Variants in VPS13C observed in about 807,000 individuals in gnomAD.
VPS13C encodes the protein vacuolar protein sorting 13 homolog C, also known as intermembrane lipid transfer protein VPS13C.
Under a neutral mutation model 456.8 loss-of-function variants are expected in VPS13C, and 358 were observed. The observed-to-expected ratio is 0.78, with a 90% CI of 0.72 to 0.86. The LOEUF (loss-of-function observed/expected upper bound fraction) is 0.86. Ranked by LOEUF, VPS13C falls within the 40% of genes least tolerant of loss-of-function variation. VPS13C has a pLI of 0.00. For missense variants in VPS13C, 4,818 were observed against 4,385.4 expected (o/e 1.10, Z -2.79); for synonymous variants, 1,578 against 1,486.7 (o/e 1.06, Z -1.41).
chr15:61,969,239 C>T (rs375258983), intron 28 of VPS13C, 60 bp downstream of exon 28: 1 of 1,220,668 alleles, frequency 8.2e-7, no homozygotes, highest in East Asian at 2.5e-5. Flanking sequence ...GAAAGTGTTT[C>T]AGATACTCAA....
chr15:61,863,421 T>A lies in VPS13C; in HGVS notation c.10952+19A>T. ...TGCAACTAAGTACTATTTGGAAAAA[T>A]GTCACTTCAAGTCAGTACCTATTTG... On this transcript the variant is annotated intron_variant, in intron 82 of 84. Transcript: ENST00000644861. 1 of 1,587,078 alleles carries A rather than the reference T, an allele frequency of 6.3e-7. No homozygotes were observed. Among genetic ancestry groups the A allele is most frequent in the Non-Finnish European group, 8.6e-7 (1 of 1,161,612 alleles).
Position 61,909,093 on chromosome 15 carries a change from G to A in VPS13C, c.8877C>T (p.Ala2959=), listed in dbSNP as rs775220462. 67 of 1,613,180 alleles carry A rather than the reference G, an allele frequency of 4.2e-5. 2 individuals are homozygous for A. In the South Asian group the frequency reaches 4.3e-4, roughly 10 times the overall value. ...AAAAAGTTATGACAGTTGAATGTTC[G>A]GCAGTGTTTACATCCACCAAGATAC... is the stretch of plus-strand genomic sequence containing the variant. ...NGGILVDVNT[A]EHSTVITFSD... The change falls in exon 65 of 85, where the codon GCC becomes GCT. Residue 2959 remains alanine (A), a synonymous_variant. Transcript: ENST00000644861.
chr15:61,980,664 C>T (rs961087737), intron 22 of VPS13C, among the ~76,000 whole-genome samples: 1 of 151,856 alleles, frequency 6.6e-6, no homozygotes, highest in African/African-American at 2.4e-5. Flanking sequence ...ATAAACAGTA[C>T]CTATTTTTCT....
chr15:61,962,225 G>A (rs2045232479), intron 34 of VPS13C, 146 bp downstream of exon 34: 1 of 679,318 alleles, frequency 1.5e-6, no homozygotes, highest in Non-Finnish European at 2.3e-6. Context: ...CTGTTAAATA[G>A]GGGTTTTGAT....
At chr15:61,934,722 A>ATG (rs961575154) in intron 48 of VPS13C, among the ~76,000 whole-genome samples, 7 of 152,074 alleles carry the variant, frequency 4.6e-5, no homozygotes, top group African/African-American at 1.7e-4. Context: ...TGCTAGACTA[A>ATG]TGCACCTCTC....
chr15:61,895,549 T>A (rs1005387314), intron 66 of VPS13C, among the ~76,000 whole-genome samples: 5 of 152,114 alleles, frequency 3.3e-5, no homozygotes, highest in African/African-American at 1.2e-4. Context: ...AAAAGGATCA[T>A]TAGAGACTAT....
intron 25 of VPS13C, among the ~76,000 whole-genome samples, chr15:61,973,767 G>C (rs1596405137): frequency 6.6e-6 from 1 of 152,024 alleles, no homozygotes; most frequent in East Asian, 1.9e-4. Flanking sequence ...GCAAAACTAA[G>C]CCCAGCTCTA....
intron 77 of VPS13C, 113 bp from the exon 78 acceptor site, chr15:61,873,522 T>A: frequency 9.1e-7 from 1 of 1,093,956 alleles, no homozygotes. Flanking sequence ...TGAATAAATA[T>A]TTCTGAAAAG....
rs185235780 is a variant in VPS13C, at chr15:61,994,061, T to G, written c.1354-2259A>C. Among the ~76,000 whole-genome samples, 10 of 152,296 alleles carry G rather than the reference T, an allele frequency of 6.6e-5. No individual in the cohort carries two copies. The East Asian group carries it at 1.3e-3, about 21-fold the overall frequency. On this transcript the variant is annotated intron_variant, in intron 16 of 84. Transcript: ENST00000644861. ...CTTTCCCTTTCCCTCAATTACCCCC[T>G]TGGTGCCTTCACTTCCTTCTCTGTC...
At chr15:62,037,360 G>GTA (rs567608591) in intron 3 of VPS13C, among the ~76,000 whole-genome samples, 943 of 67,270 alleles carry the variant, frequency 0.014, 26 homozygotes, top group African/African-American at 0.048. Flanking sequence ...ATATATAAAT[G>GTA]TATATAATAT....
chr15:61,912,212 A>G (rs1402085245), intron 62 of VPS13C, among the ~76,000 whole-genome samples: 1 of 152,220 alleles, frequency 6.6e-6, no homozygotes, highest in Non-Finnish European at 1.5e-5. Context: ...AATTCAAGAA[A>G]TATCAATTAG....
At chr15:62,042,193 G>A (rs1322989447) in intron 2 of VPS13C, among the ~76,000 whole-genome samples, 5 of 152,102 alleles carry the variant, frequency 3.3e-5, no homozygotes, top group Admixed American at 2.0e-4. Flanking sequence ...ACAGAGAGGT[G>A]CCAACAAATA....
At chr15:61,982,855 A>T (rs888193331) in intron 20 of VPS13C, among the ~76,000 whole-genome samples, 1 of 152,212 alleles carries the variant, frequency 6.6e-6, no homozygotes, top group Non-Finnish European at 1.5e-5. Context: ...TTCTAGATTT[A>T]GCCTCCAATT....
rs1344240757 is a variant in VPS13C at position 61,984,729 on chromosome 15, A to G, written c.1721+128T>C. On this transcript the variant is annotated intron_variant, in intron 19 of 84. Transcript: ENST00000644861. Reference sequence around the variant, plus strand: ...AAACAAGAGCAAATATAAAAAGGCTATCTTGACATATACAAGGAAAAGAAA... The same window carrying G: ...AAACAAGAGCAAATATAAAAAGGCTGTCTTGACATATACAAGGAAAAGAAA... 7.5e-6 allele frequency: 7 copies of G among 932,972 alleles called. No individual in the cohort carries two copies. In the East Asian group the frequency reaches 1.3e-4, roughly 18 times the overall value. 57.8% of individuals were successfully genotyped at this position (932,972 alleles called of 1,614,324 possible).
In VPS13C at chr15:61,945,020, T is replaced by C. The variant is rs117854004; in HGVS notation, c.5148+695A>G. On this transcript the variant is annotated intron_variant, in intron 45 of 84. Coordinates refer to ENST00000644861, the MANE Select transcript of VPS13C (RefSeq NM_020821.3). ...GAGGTGACTGGATCACAGGGGCAGTTTCCCCCATGCTGTTCTTGTGATAGT... is the reference window on the plus strand; with the variant it reads ...GAGGTGACTGGATCACAGGGGCAGTCTCCCCCATGCTGTTCTTGTGATAGT... 9.5e-4 allele frequency among the ~76,000 whole-genome samples: 144 copies of C among 152,176 alleles called. 3 individuals carry two copies. The East Asian group carries it at 0.026, about 28-fold the overall frequency.
chr15:61,913,321 A>G lies in VPS13C; in HGVS notation c.8540T>C (p.Met2847Thr), dbSNP rs781608787. The G allele has an allele frequency of 6.2e-7, 1 of 1,613,982 alleles. No homozygotes were observed. Among genetic ancestry groups the G allele is most frequent in the Non-Finnish European group, 8.5e-7 (1 of 1,179,844 alleles). Reference protein sequence around the residue: ...YGCVKCPANNMEYLVGVSIKM... With the variant: ...YGCVKCPANNTEYLVGVSIKM... ...GAAGCAGAATCTTACCAGGTACTCC[A>G]TATTGTTGGCAGGACACTTCACACA... is the stretch of plus-strand genomic sequence containing the variant. The change falls in exon 62 of 85, where the codon ATG (methionine) becomes ACG (threonine). Residue 2847 changes from methionine (M) to threonine (T), a missense_variant. This residue lies in a region of VPS13C where 4,552 missense variants were observed against 4,130.6 expected (regional missense o/e 1.10). Transcript: ENST00000644861.
In VPS13C at chr15:61,922,756, G is replaced by A. The variant is rs1347468589; in HGVS notation, c.6616C>T (p.Pro2206Ser). 4.5e-6 allele frequency: 7 copies of A among 1,564,736 alleles called. No homozygotes were observed. The highest frequency in any genetic ancestry group is 6.0e-6 in the Non-Finnish European group (7 of 1,161,304). Reference sequence around the variant, plus strand: ...GTCAACACAGTATTAAGAATTATGGGTGAAATCTTTAAAAAAGAAAGCAGA... The same window carrying A: ...GTCAACACAGTATTAAGAATTATGGATGAAATCTTTAAAAAAGAAAGCAGA... ...MVKEFIIKIS[P>S]IILNTVLTIM... is the part of the protein sequence containing the mutation. Residue 2206 changes from proline to serine, a missense_variant, in exon 54 of 85, where the codon CCC becomes TCC. By Grantham distance (74) the Pro-to-Ser change is moderately conservative. This residue lies in a region of VPS13C where 4,552 missense variants were observed against 4,130.6 expected (regional missense o/e 1.10). Coordinates refer to ENST00000644861, the MANE Select transcript of VPS13C (RefSeq NM_020821.3).
intron 49 of VPS13C, among the ~76,000 whole-genome samples, chr15:61,933,803 A>C (rs1012725868): frequency 2.6e-5 from 4 of 152,114 alleles, no homozygotes; most frequent in African/African-American, 9.7e-5. Flanking sequence ...TAATGCTTAT[A>C]TACCAAGGAT....
chr15:62,012,084 A>C (rs1204391082), intron 12 of VPS13C, 23 bp downstream of exon 12: 1 of 1,339,794 alleles, frequency 7.5e-7, no homozygotes, highest in Non-Finnish European at 1.1e-6. Flanking sequence ...TATAACATGA[A>C]ATAAACTTTT....
Sources: gnomAD v4.1 joint callset for allele counts (sites outside exome capture counted in the v4.1 genomes callset) on GRCh38, gnomAD v4.1.1 for gene constraint, gnomAD v4.1.1 regional missense constraint, MANE v1.5 for transcripts, NCBI Gene and HGNC (gene_info 2026-07-23, HGNC 2026-07-21) for gene names.